WRN: variants seen among roughly 807,000 people sequenced by gnomAD.
WRN encodes the protein bifunctional 3'-5' exonuclease/ATP-dependent helicase WRN.
WRN carries 149 observed loss-of-function variants against 180.7 expected under a neutral mutation model. That is an observed-to-expected ratio of 0.82 (90% CI 0.72 to 0.94). The LOEUF is 0.94. Ranked by LOEUF, WRN falls within the 40% of genes least tolerant of loss-of-function variation. The pLI is 0.00. For missense variants in WRN, 1,661 were observed against 1,700.1 expected (o/e 0.98, Z 0.40); for synonymous variants, 548 against 568.9 (o/e 0.96, Z 0.52).
At chr8:31,168,997 T>C (rs1804003069) in intron 34 of WRN, among the ~76,000 whole-genome samples, 1 of 152,154 alleles carries the variant, frequency 6.6e-6, no homozygotes, top group African/African-American at 2.4e-5. Flanking sequence ...AGTATTCTTT[T>C]ATTTCTGGAA....
At chr8:31,123,265 AC>A (rs1801796000) in intron 21 of WRN, among the ~76,000 whole-genome samples, 1 of 151,970 alleles carries the variant, frequency 6.6e-6, no homozygotes, top group African/African-American at 2.4e-5. Context: ...CTTAAGAATG[AC>A]CCCAAAGCAC....
chr8:31,037,339 G>A (rs1811488807), intron 1 of WRN, among the ~76,000 whole-genome samples: 1 of 152,226 alleles, frequency 6.6e-6, no homozygotes, highest in Non-Finnish European at 1.5e-5. Flanking sequence ...GGAATGGGGA[G>A]CAGCTGTAAA....
At chr8:31,157,885 G>T (rs1803452337) in intron 33 of WRN, among the ~76,000 whole-genome samples, 1 of 151,982 alleles carries the variant, frequency 6.6e-6, no homozygotes, top group Non-Finnish European at 1.5e-5. Flanking sequence ...GTGCCACCAT[G>T]CCCAGCTATT....
At chr8:31,090,634 A>G in intron 14 of WRN, 102 bp downstream of exon 14, 1 of 1,241,532 alleles carries the variant, frequency 8.1e-7, no homozygotes, top group Non-Finnish European at 1.2e-6. Context: ...AAATGCAACT[A>G]CAAATGATGT....
Position 31,143,583 on chromosome 8 carries a change from T to C in WRN, c.3343T>C (p.Cys1115Arg), listed in dbSNP as rs886062893. The C allele has an allele frequency of 1.3e-6, 2 of 1,590,566 alleles. No individual in the cohort carries two copies. The highest frequency in any genetic ancestry group is 1.7e-6 in the Non-Finnish European group (2 of 1,159,796). Reference protein sequence around the residue: ...NLEKLYSYKPCDKISSGSNIS... With the variant: ...NLEKLYSYKPRDKISSGSNIS... Reference sequence around the variant, plus strand: ...GGAGAAGTTATATTCTTATAAACCATGTGATAAGATTTCTTCTGGGAGTAA... The same window carrying C: ...GGAGAAGTTATATTCTTATAAACCACGTGATAAGATTTCTTCTGGGAGTAA... The change falls in exon 28 of 35, where the codon TGT becomes CGT. Residue 1115 changes from cysteine to arginine, a missense_variant. Cys to Arg is a radical substitution (Grantham distance 180, BLOSUM62 -3). This residue lies in a region of WRN where 1,141 missense variants were observed against 1,149.4 expected (regional missense o/e 0.99). Transcript: ENST00000298139.
intron 3 of WRN, among the ~76,000 whole-genome samples, chr8:31,062,011 G>T (rs1299989622): frequency 3.3e-5 from 5 of 152,040 alleles, no homozygotes; most frequent in African/African-American, 1.2e-4. Flanking sequence ...CAGCTTCCAG[G>T]GCTCTGAACT....
chr8:31,122,885 T>TC (rs1554528814), intron 21 of WRN, among the ~76,000 whole-genome samples: 75 of 128,496 alleles, frequency 5.8e-4, no homozygotes, highest in African/African-American at 1.9e-3. Flanking sequence ...TTTTTTTTTT[T>TC]CTATAGGAGG....
chr8:31,109,847 A>G (rs561666217), intron 18 of WRN, among the ~76,000 whole-genome samples: 1 of 152,236 alleles, frequency 6.6e-6, no homozygotes, highest in East Asian at 1.9e-4. Context: ...TGATTCCAAA[A>G]CAGACTTTTT....
intron 8 of WRN, among the ~76,000 whole-genome samples, chr8:31,078,457 T>G (rs1813178362): frequency 6.6e-6 from 1 of 152,204 alleles, no homozygotes. Context: ...AGATCCAGTT[T>G]GACAAGCTTG....
Position 31,111,738 on chromosome 8 carries a change from G to T in WRN, c.2212G>T (p.Glu738Ter). 2 of 1,613,974 alleles carry T rather than the reference G, an allele frequency of 1.2e-6. No individual in the cohort carries two copies. Among genetic ancestry groups the T allele is most frequent in the African/African-American group, 2.7e-5 (2 of 75,024 alleles). Reference sequence around the variant, plus strand: ...TTTTGATCGACCAAACCTGTATTTAGAAGTTAGGCGAAAAACAGGGAATAT... The same window carrying T: ...TTTTGATCGACCAAACCTGTATTTATAAGTTAGGCGAAAAACAGGGAATAT... ...TGFDRPNLYL[E>*]VRRKTGNILQ... The change falls in exon 19 of 35, where the codon GAA becomes TAA. Residue 738 changes from glutamate (E) to a stop codon, truncating the protein, a stop_gained. Transcript: ENST00000298139. LOFTEE classifies it high-confidence loss of function.
chr8:31,092,438 T>TG (rs1813783034), intron 16 of WRN, among the ~76,000 whole-genome samples: 3 of 106,758 alleles, frequency 2.8e-5, no homozygotes, highest in Non-Finnish European at 6.9e-5. Flanking sequence ...ACACACCCAT[T>TG]TTGTGTGTGT....
chr8:31,170,339 A>G (rs1804055932), intron 34 of WRN, among the ~76,000 whole-genome samples: 3 of 152,034 alleles, frequency 2.0e-5, no homozygotes, highest in Admixed American at 2.0e-4. Context: ...TTGACTGTAT[A>G]AGAGAGAATG....
intron 21 of WRN, among the ~76,000 whole-genome samples, chr8:31,123,396 G>A (rs1407328163): frequency 3.3e-5 from 5 of 152,074 alleles, no homozygotes; most frequent in African/African-American, 4.8e-5. Flanking sequence ...TCCACTGGAC[G>A]TCTTGGAATG....
At chr8:31,126,804 G>A (rs924349532) in intron 23 of WRN, among the ~76,000 whole-genome samples, 1 of 152,072 alleles carries the variant, frequency 6.6e-6, no homozygotes, top group East Asian at 1.9e-4. Flanking sequence ...AGCTCATTCT[G>A]TATAAAGATC....
At chr8:31,056,818 A>G (rs1321065644) in intron 1 of WRN, among the ~76,000 whole-genome samples, 2 of 152,204 alleles carry the variant, frequency 1.3e-5, no homozygotes, top group Non-Finnish European at 2.9e-5. Context: ...TTAACAATAA[A>G]CAATCTAGAT....
intron 23 of WRN, among the ~76,000 whole-genome samples, chr8:31,128,381 C>T (rs999594865): frequency 5.3e-5 from 8 of 151,928 alleles, no homozygotes; most frequent in African/African-American, 1.7e-4. Flanking sequence ...ACTTCATGAC[C>T]CACATAGCAA....
At chr8:31,101,047 C>A in intron 18 of WRN, 92 bp downstream of exon 18, 1 of 1,029,248 alleles carries the variant, frequency 9.7e-7, no homozygotes, top group Non-Finnish European at 1.5e-6. Flanking sequence ...GAAGACTTCA[C>A]TATAAAAGAG....
At chr8:31,066,075 T>C (rs1353862664) in intron 5 of WRN, among the ~76,000 whole-genome samples, 3 of 151,746 alleles carry the variant, frequency 2.0e-5, no homozygotes, top group Admixed American at 6.6e-5. Context: ...ACGGGGTTTC[T>C]CCATCTTGGT....
intron 21 of WRN, among the ~76,000 whole-genome samples, chr8:31,123,926 A>G (rs1585488665): frequency 6.6e-6 from 1 of 152,140 alleles, no homozygotes; most frequent in Non-Finnish European, 1.5e-5. Flanking sequence ...TAAATTTGAT[A>G]TGGCAAACAA....
Sources: gnomAD v4.1 joint callset for allele counts (sites outside exome capture counted in the v4.1 genomes callset) on GRCh38, gnomAD v4.1.1 for gene constraint, gnomAD v4.1.1 regional missense constraint, MANE v1.5 for transcripts, NCBI Gene and HGNC (gene_info 2026-07-23, HGNC 2026-07-21) for gene names.